Variants in KCNH8 observed in about 807,000 individuals in gnomAD.
The protein encoded by KCNH8 is potassium voltage-gated channel subfamily H member 8, also known as voltage-gated delayed rectifier potassium channel KCNH8.
KCNH8 carries 70 observed loss-of-function variants against 103.6 expected under a neutral mutation model. The ratio of observed to expected loss-of-function variants is 0.68; its 90% CI spans 0.56 to 0.82. The LOEUF (loss-of-function observed/expected upper bound fraction) is 0.82. Ranked by LOEUF, KCNH8 falls within the 40% of genes least tolerant of loss-of-function variation. KCNH8 has a pLI of 0.00. For missense variants in KCNH8, 1,217 were observed against 1,329.9 expected (o/e 0.92, Z 1.32); for synonymous variants, 498 against 489.4 (o/e 1.02, Z -0.23).
intron 3 of KCNH8, among the ~76,000 whole-genome samples, chr3:19,321,063 G>A (rs2065343728): frequency 1.3e-5 from 2 of 151,758 alleles, no homozygotes; most frequent in Admixed American, 1.3e-4. Flanking sequence ...AGCTTATTTG[G>A]ATCTTCTCTC....
intron 1 of KCNH8, among the ~76,000 whole-genome samples, chr3:19,227,237 T>G (rs998359893): frequency 1.3e-5 from 2 of 152,188 alleles, no homozygotes; most frequent in Admixed American, 1.3e-4. Context: ...CCTTAATCCC[T>G]CCTTTCACTC....
At chr3:19,490,924 C>G (rs12494090) in intron 11 of KCNH8, among the ~76,000 whole-genome samples, 4 of 152,032 alleles carry the variant, frequency 2.6e-5, no homozygotes, top group Admixed American at 2.6e-4. Flanking sequence ...TGTTCTTTGA[C>G]AAGTAGAGAA....
At chr3:19,356,202 T>A (rs1025534146) in intron 5 of KCNH8, among the ~76,000 whole-genome samples, 4 of 151,974 alleles carry the variant, frequency 2.6e-5, no homozygotes, top group African/African-American at 4.8e-5. Context: ...AGATGATATA[T>A]CTCTTTTGGA....
intron 7 of KCNH8, among the ~76,000 whole-genome samples, chr3:19,399,479 C>T (rs980507983): frequency 6.6e-6 from 1 of 151,970 alleles, no homozygotes; most frequent in Non-Finnish European, 1.5e-5. Context: ...AGCTCAAAAG[C>T]TTCAGGTCTG....
intron 3 of KCNH8, among the ~76,000 whole-genome samples, chr3:19,332,461 G>C (rs923065403): frequency 7.9e-5 from 12 of 152,192 alleles, no homozygotes; most frequent in Middle Eastern, 6.8e-3. Context: ...TCATGGTATA[G>C]ATAGACCAGT....
intron 1 of KCNH8, among the ~76,000 whole-genome samples, chr3:19,250,396 C>T (rs942259326): frequency 6.6e-6 from 1 of 152,016 alleles, no homozygotes; most frequent in Non-Finnish European, 1.5e-5. Context: ...TTTTCTATTA[C>T]ACTTAAAATA....
intron 5 of KCNH8, among the ~76,000 whole-genome samples, chr3:19,355,948 T>A (rs1019241589): frequency 6.6e-6 from 1 of 151,732 alleles, no homozygotes; most frequent in African/African-American, 2.4e-5. Context: ...TTTAACATAC[T>A]GTTTATTTTC....
intron 11 of KCNH8, among the ~76,000 whole-genome samples, chr3:19,457,595 C>G (rs987510461): frequency 6.6e-6 from 1 of 151,990 alleles, no homozygotes; most frequent in Non-Finnish European, 1.5e-5. Flanking sequence ...TGATCGTGAA[C>G]ATGACTTCAT....
chr3:19,444,338 G>A (rs1013851230), intron 8 of KCNH8, among the ~76,000 whole-genome samples: 15 of 151,916 alleles, frequency 9.9e-5, no homozygotes, highest in Non-Finnish European at 1.2e-4. Flanking sequence ...TCTTAAAACT[G>A]TACATAAAAA....
chr3:19,261,666 T>C (rs1575477862), intron 2 of KCNH8, among the ~76,000 whole-genome samples: 1 of 152,044 alleles, frequency 6.6e-6, no homozygotes, highest in East Asian at 1.9e-4. Context: ...AAGAAATCAT[T>C]GCCAAGACCA....
chr3:19,282,729 A>C (rs2064774367), intron 3 of KCNH8, among the ~76,000 whole-genome samples: 1 of 152,066 alleles, frequency 6.6e-6, no homozygotes, highest in Non-Finnish European at 1.5e-5. Context: ...AGAAATCCCC[A>C]TCTTGGTGGA....
At chr3:19,213,783 A>G (rs61169657) in intron 1 of KCNH8, among the ~76,000 whole-genome samples, 6,200 of 152,240 alleles carry the variant, frequency 0.041, 447 homozygotes, top group African/African-American at 0.14. Flanking sequence ...TAGAGGGACA[A>G]TAGAGGAGGA....
chr3:19,399,921 T>C (rs1196841595), intron 7 of KCNH8, among the ~76,000 whole-genome samples: 1 of 151,912 alleles, frequency 6.6e-6, no homozygotes, highest in African/African-American at 2.4e-5. Context: ...GAAAAGAACA[T>C]GAGCTAAGGT....
intron 1 of KCNH8, among the ~76,000 whole-genome samples, chr3:19,230,592 A>G (rs1274287100): frequency 6.6e-6 from 1 of 152,242 alleles, no homozygotes; most frequent in Non-Finnish European, 1.5e-5. Flanking sequence ...CATCGGTTGC[A>G]TAATACCAAA....
intron 5 of KCNH8, among the ~76,000 whole-genome samples, chr3:19,351,801 A>G (rs145376227): frequency 1.9e-4 from 29 of 152,306 alleles, no homozygotes; most frequent in African/African-American, 6.7e-4. Context: ...TGTAAAGACC[A>G]TCGAGGCTGG....
chr3:19,240,611 TA>T (rs1158986432), intron 1 of KCNH8, among the ~76,000 whole-genome samples: 8,843 of 114,460 alleles, frequency 0.077, 832 homozygotes, highest in African/African-American at 0.25. Flanking sequence ...AAACTCTGTC[TA>T]AAAAAAAAAA....
intron 10 of KCNH8, 97 bp downstream of exon 10, chr3:19,451,501 G>A (rs1436850702): frequency 3.7e-6 from 4 of 1,088,922 alleles, no homozygotes; most frequent in Non-Finnish European, 5.4e-6. Flanking sequence ...AGTAGGAAAA[G>A]AACAGATGAA....
chr3:19,455,040 T>G (rs753681108), intron 10 of KCNH8, among the ~76,000 whole-genome samples: 1 of 152,144 alleles, frequency 6.6e-6, no homozygotes, highest in African/African-American at 2.4e-5. Context: ...TGTAGATATT[T>G]AGCACATGTT....
intron 1 of KCNH8, among the ~76,000 whole-genome samples, chr3:19,171,086 C>T (rs1397751066): frequency 6.6e-6 from 1 of 152,048 alleles, no homozygotes; most frequent in Admixed American, 6.6e-5. Flanking sequence ...AGGCCTGAGC[C>T]ACCACGCCCG....
Sources: gnomAD v4.1 joint callset for allele counts (sites outside exome capture counted in the v4.1 genomes callset) on GRCh38, gnomAD v4.1.1 for gene constraint, MANE v1.5 for transcripts, NCBI Gene and HGNC (gene_info 2026-07-23, HGNC 2026-07-21) for gene names.